SPIRE1: variants seen among roughly 807,000 people sequenced by gnomAD.
SPIRE1 encodes the protein spire type actin nucleation factor 1, also known as protein spire homolog 1.
A neutral mutation model predicts 94.1 loss-of-function variants in SPIRE1; 40 were observed. The observed-to-expected ratio is 0.43, with a 90% confidence interval of 0.33 to 0.55. SPIRE1 has a LOEUF of 0.55. Ranked by LOEUF, SPIRE1 falls within the 20% of genes least tolerant of loss-of-function variation. The pLI is 0.06. For synonymous variants in SPIRE1, 376 were observed against 371.7 expected, an observed-to-expected ratio of 1.01 and a Z score of -0.13; for missense variants, 838 against 975.2, an observed-to-expected ratio of 0.86 and a Z score of 1.87.
intron 6 of SPIRE1, among the ~76,000 whole-genome samples, chr18:12,499,556 C>T (rs1333555892): frequency 6.7e-6 from 1 of 150,150 alleles, no homozygotes; most frequent in Non-Finnish European, 1.5e-5. Context: ...TAATGTTTGA[C>T]CCTTACCTTG....
At chr18:12,467,870 A>G (rs1227702212) in intron 10 of SPIRE1, among the ~76,000 whole-genome samples, 1 of 151,958 alleles carries the variant, frequency 6.6e-6, no homozygotes. Context: ...AATCACTTGA[A>G]CCCGGGAGGT....
chr18:12,647,985 G>T (rs574838212), intron 1 of SPIRE1, among the ~76,000 whole-genome samples: 34 of 152,264 alleles, frequency 2.2e-4, no homozygotes, highest in African/African-American at 7.9e-4. Flanking sequence ...GAACCCAGGA[G>T]CCAAGCCTAA....
chr18:12,647,424 A>G (rs983605346), intron 1 of SPIRE1, among the ~76,000 whole-genome samples: 1 of 152,172 alleles, frequency 6.6e-6, no homozygotes, highest in African/African-American at 2.4e-5. Flanking sequence ...GAGTTTGAAC[A>G]TCAAAAATAA....
At chr18:12,626,970 T>G (rs1175687420) in intron 2 of SPIRE1, among the ~76,000 whole-genome samples, 1 of 150,052 alleles carries the variant, frequency 6.7e-6, no homozygotes, top group Non-Finnish European at 1.5e-5. Flanking sequence ...GTTATTTACA[T>G]AAACAAAACA....
In SPIRE1 at chr18:12,657,838, C is replaced by T; in HGVS notation, c.29G>A (p.Gly10Asp). ...CACTGCCTCAGTCCGCGGCTCCCCG[C>T]CGCCCGCCGGGCCAGCCGCCTGAGC... MAQAAGPAG[G>D]GEPRTEAVGG... is the part of the protein sequence containing the mutation. Residue 10 changes from glycine (G) to aspartate (D), a missense_variant, in exon 1 of 17, where the codon GGC (glycine) becomes GAC (aspartate). This residue lies in a region of SPIRE1 where 193 missense variants were observed against 170.5 expected (regional missense o/e 1.13). Transcript: ENST00000409402. 1 of 1,139,704 alleles carries T rather than the reference C, an allele frequency of 8.8e-7. No individual in the cohort carries two copies. The highest frequency in any genetic ancestry group is 1.1e-6 in the Non-Finnish European group (1 of 932,366). The allele number at this position is 1,139,704 out of a possible 1,614,324, so 70.6% of individuals were successfully genotyped here.
rs1015851639 is a variant in SPIRE1, at chr18:12,580,126, G to A, written c.373-33222C>T. On this transcript the variant is annotated intron_variant, in intron 2 of 16. Coordinates refer to ENST00000409402, the MANE Select transcript of SPIRE1 (RefSeq NM_001128626.2). Reference sequence around the variant, plus strand: ...TCCTTCTGGTTATTTCTGAAGTACCGTCCTTGAGAAGGTATTTGGTAAAGA... The same window carrying A: ...TCCTTCTGGTTATTTCTGAAGTACCATCCTTGAGAAGGTATTTGGTAAAGA... 4.6e-5 allele frequency among the ~76,000 whole-genome samples: 7 copies of A among 152,138 alleles called. No individual in the cohort carries two copies. In the East Asian group the frequency reaches 5.8e-4, roughly 13 times the overall value.
chr18:12,559,480 C>T lies in SPIRE1; in HGVS notation c.373-12576G>A, dbSNP rs2035623474. Among the ~76,000 whole-genome samples, 1 of 152,194 alleles carries T rather than the reference C, an allele frequency of 6.6e-6. No homozygotes were observed. The highest frequency in any genetic ancestry group is 2.4e-5 in the African/African-American group (1 of 41,460). On this transcript the variant is annotated intron_variant, in intron 2 of 16. Transcript: ENST00000409402. The surrounding 1 kb of genome is among the most constrained non-coding windows in gnomAD (Gnocchi z 4.7). ...CACCCGCGCCTCTCCCTCCACACCT[C>T]CCTGCAAGCAGAGGGAGCCGGCTCC...
chr18:12,461,507 T>TGTGTATGC, intron 12 of SPIRE1, among the ~76,000 whole-genome samples: 7 of 141,568 alleles, frequency 4.9e-5, no homozygotes, highest in East Asian at 2.2e-4. Flanking sequence ...CGTACATATG[T>TGTGTATGC]ACGTACATAC....
intron 2 of SPIRE1, among the ~76,000 whole-genome samples, chr18:12,610,151 C>T (rs1485765731): frequency 1.3e-5 from 2 of 152,042 alleles, no homozygotes; most frequent in Non-Finnish European, 2.9e-5. Context: ...CCAAGTTACC[C>T]GTTCTCCTGT....
intron 5 of SPIRE1, among the ~76,000 whole-genome samples, chr18:12,511,490 T>C (rs757583244): frequency 5.3e-5 from 8 of 152,294 alleles, no homozygotes; most frequent in Middle Eastern, 3.4e-3. Flanking sequence ...ATCCTTGACA[T>C]TGTCTTCCAC....
intron 4 of SPIRE1, among the ~76,000 whole-genome samples, chr18:12,520,354 G>A (rs1222896256): frequency 1.3e-5 from 2 of 152,154 alleles, no homozygotes; most frequent in African/African-American, 2.4e-5. Flanking sequence ...TGAACCACGT[G>A]AAATTTTTTG....
rs2031001665 is a variant in SPIRE1 at position 12,447,574 on chromosome 18, A to G, written c.*2064T>C. ...TTCATATGAACGTACCCTCCACGTG[A>G]CCTCTTTAATGCACTTGGCAAACTC... On this transcript the variant is annotated 3_prime_UTR_variant, in exon 17 of 17. Coordinates refer to ENST00000409402, the MANE Select transcript of SPIRE1 (RefSeq NM_001128626.2). The G allele has an allele frequency of 6.6e-6, 1 of 152,160 alleles. No individual in the cohort carries two copies. Among genetic ancestry groups the G allele is most frequent in the Non-Finnish European group, 1.5e-5 (1 of 68,022 alleles). 9.4% of individuals were successfully genotyped at this position (152,160 alleles called of 1,614,324 possible). A position where few individuals can be genotyped will look rare whatever the true frequency, so the allele number is the denominator to read the frequency against.
At chr18:12,589,174 C>T (rs1354006125) in intron 2 of SPIRE1, among the ~76,000 whole-genome samples, 1 of 110,850 alleles carries the variant, frequency 9.0e-6, no homozygotes, top group East Asian at 2.8e-4. Flanking sequence ...TGCATATTAA[C>T]ACCTCTGCAC....
intron 2 of SPIRE1, among the ~76,000 whole-genome samples, chr18:12,604,706 T>G (rs1448438870): frequency 6.6e-6 from 1 of 152,102 alleles, no homozygotes; most frequent in African/African-American, 2.4e-5. Context: ...CAAGTCTCAC[T>G]TAGTGAGGGA....
intron 3 of SPIRE1, among the ~76,000 whole-genome samples, chr18:12,539,576 TACACACACACGC>T (rs922326675): frequency 6.9e-6 from 1 of 144,548 alleles, no homozygotes; most frequent in African/African-American, 2.6e-5. Flanking sequence ...AACATACACA[TACACACACACGC>T]ACACACACAC....
chr18:12,601,668 G>A (rs1219632273), intron 2 of SPIRE1, among the ~76,000 whole-genome samples: 2 of 152,052 alleles, frequency 1.3e-5, no homozygotes, highest in East Asian at 1.9e-4. Context: ...AATCACTCAC[G>A]TACTTTCCGT....
At chr18:12,615,637 C>A (rs1275376600) in intron 2 of SPIRE1, among the ~76,000 whole-genome samples, 2 of 150,340 alleles carry the variant, frequency 1.3e-5, no homozygotes, top group Non-Finnish European at 3.0e-5. Flanking sequence ...ATTATTATCA[C>A]CTGTAAAAAT....
intron 4 of SPIRE1, among the ~76,000 whole-genome samples, chr18:12,531,074 G>A (rs914272505): frequency 6.6e-6 from 1 of 151,984 alleles, no homozygotes; most frequent in Non-Finnish European, 1.5e-5. Context: ...TTATTTATTT[G>A]TTTATTTTAT....
At chr18:12,523,210 T>A (rs1291468158) in intron 4 of SPIRE1, among the ~76,000 whole-genome samples, 1 of 152,188 alleles carries the variant, frequency 6.6e-6, no homozygotes, top group Non-Finnish European at 1.5e-5. Flanking sequence ...ACTGCTGATG[T>A]GGTGGAAACA....
Sources: allele counts gnomAD v4.1 joint callset (sites outside exome capture counted in the v4.1 genomes callset), GRCh38; gene constraint gnomAD v4.1.1; regional missense constraint gnomAD v4.1.1; non-coding constraint Gnocchi (gnomAD v3.1); transcripts MANE v1.5; gene names NCBI Gene and HGNC (gene_info 2026-07-23, HGNC 2026-07-21).